Variants in GJB1 observed in about 807,000 individuals in gnomAD.
GJB1 encodes the protein gap junction protein beta 1.
Under a neutral mutation model 12.0 loss-of-function variants are expected in GJB1, and 1 was observed. The observed-to-expected ratio is 0.08, with a 90% confidence interval of 0.03 to 0.40. The LOEUF is 0.40. Among genes scored for constraint, GJB1 ranks in the 10% least tolerant of loss-of-function variants. The probability of loss-of-function intolerance (pLI) is 0.98; values close to 1 mark genes in which losing one functional copy is unlikely to be tolerated. For missense variants in GJB1, 140 were observed against 250.3 expected (o/e 0.56, Z 2.97); for synonymous variants, 114 against 102.8 (o/e 1.11, Z -0.66).
At chrX:71,217,211 T>C (rs1208407149) in intron 1 of GJB1, among the ~76,000 whole-genome samples, 2 of 110,555 alleles carry the variant, frequency 1.8e-5, no homozygotes, top group Non-Finnish European at 3.8e-5. Context: ...TGCAAACTCC[T>C]TAAAGGAAGA....
chrX:71,225,322 A>G lies in GJB1; in HGVS notation c.*763A>G, dbSNP rs1170728218. On this transcript the variant is annotated 3_prime_UTR_variant, in exon 2 of 2. Transcript: ENST00000361726. Reference sequence around the variant, plus strand: ...ACAGGGCAAAAGAAGTAGTTACTTGAGTAGCTGAAGCTGCAAATGAGGAAA... The same window carrying G: ...ACAGGGCAAAAGAAGTAGTTACTTGGGTAGCTGAAGCTGCAAATGAGGAAA... 8.1e-6 allele frequency: 1 copy of G among 123,386 alleles called. No individual in the cohort carries two copies. The highest frequency in any genetic ancestry group is 3.2e-5 in the African/African-American group (1 of 30,813). 10.2% of individuals were successfully genotyped at this position (123,386 alleles called of 1,213,427 possible). A position where few individuals can be genotyped will look rare whatever the true frequency, so the allele number is the denominator to read the frequency against.
chrX:71,221,165 C>T (rs746066329), upstream of GJB1, among the ~76,000 whole-genome samples: 13 of 110,893 alleles, frequency 1.2e-4, no homozygotes, highest in East Asian at 3.1e-3. Context: ...GGATTACAGG[C>T]GTGAGCCACC....
At chrX:71,216,599 G>A (rs1353209443) in intron 1 of GJB1, among the ~76,000 whole-genome samples, 1 of 109,586 alleles carries the variant, frequency 9.1e-6, no homozygotes, top group African/African-American at 3.3e-5. Context: ...GTGGGTGATG[G>A]AGGAGTAAGG....
intron 1 of GJB1, among the ~76,000 whole-genome samples, chrX:71,215,894 G>A (rs1403717602): frequency 4.6e-4 from 49 of 105,763 alleles, no homozygotes; most frequent in African/African-American, 1.7e-3. Flanking sequence ...TTTTTGAGAC[G>A]GACTTTCACT....
chrX:71,217,381 C>A (rs1235614551), intron 1 of GJB1, among the ~76,000 whole-genome samples: 1 of 111,929 alleles, frequency 8.9e-6, no homozygotes, highest in African/African-American at 3.2e-5. Context: ...GATAATATTA[C>A]AGGACTGCTG....
intron 1 of GJB1, among the ~76,000 whole-genome samples, chrX:71,216,020 C>T (rs2092525278): frequency 9.1e-6 from 1 of 110,084 alleles, no homozygotes; most frequent in Non-Finnish European, 1.9e-5. Flanking sequence ...TACAGGCATG[C>T]ACCACCATGC....
upstream of GJB1, chrX:71,223,084 C>G (rs1394847678): frequency 1.7e-5 from 2 of 119,014 alleles, no homozygotes; most frequent in African/African-American, 6.5e-5. Flanking sequence ...GTGTCCGGCG[C>G]TGGGACACAA....
chrX:71,223,446 G>A, intron 1 of GJB1, 111 bp downstream of exon 1: 1 of 438,624 alleles, frequency 2.3e-6, no homozygotes, highest in Admixed American at 3.7e-5. Flanking sequence ...AAAGAAAGGG[G>A]CTGGCGGGAA....
upstream of GJB1, among the ~76,000 whole-genome samples, chrX:71,218,327 G>T (rs1158253537): frequency 9.3e-6 from 1 of 107,368 alleles, no homozygotes; most frequent in Non-Finnish European, 1.9e-5. Flanking sequence ...CAATTGATAG[G>T]AAAGGGGAGA....
upstream of GJB1, among the ~76,000 whole-genome samples, chrX:71,219,309 C>T (rs2092531818): frequency 2.7e-5 from 3 of 109,143 alleles, no homozygotes; most frequent in South Asian, 3.9e-4. Flanking sequence ...GTGAATGGCA[C>T]CAGCCACCAT....
intron 1 of GJB1, among the ~76,000 whole-genome samples, chrX:71,217,312 G>A (rs925547965): frequency 2.7e-4 from 30 of 112,350 alleles, no homozygotes; most frequent in Admixed American, 2.6e-3. Flanking sequence ...CAGTGCAATT[G>A]CCGTTGAGGC....
chrX:71,221,476 C>G (rs1375857305), upstream of GJB1, among the ~76,000 whole-genome samples: 1 of 110,585 alleles, frequency 9.0e-6, no homozygotes, highest in Admixed American at 9.7e-5. Context: ...GCTGTTACCC[C>G]ACCCCTTTCC....
At position 71,225,004 on chromosome X, in the gene GJB1, G is replaced by A; in HGVS notation, c.*445G>A. 1 of 178,600 alleles carries A rather than the reference G, an allele frequency of 5.6e-6. No individual in the cohort carries two copies. The highest frequency in any genetic ancestry group is 1.1e-5 in the Non-Finnish European group (1 of 87,651). 14.7% of individuals were successfully genotyped at this position (178,600 alleles called of 1,213,427 possible). On this transcript the variant is annotated 3_prime_UTR_variant, in exon 2 of 2. Coordinates refer to ENST00000361726, the MANE Select transcript of GJB1 (RefSeq NM_000166.6). ...GACATGTGGGTGGAGAAGGGAGGGT[G>A]GCCAGCACTAGTAAAGGAGGAATAG...
At chrX:71,222,675 G>T (rs41310607), upstream of GJB1, 3 of 109,256 alleles carry the variant, frequency 2.7e-5, no homozygotes, top group Non-Finnish European at 5.7e-5. Flanking sequence ...GCTTTGGAAC[G>T]GTGTGACCTT....
Position 71,224,672 on chromosome X carries a change from C to T in GJB1, c.*113C>T. On this transcript the variant is annotated 3_prime_UTR_variant, in exon 2 of 2. Coordinates refer to ENST00000361726, the MANE Select transcript of GJB1 (RefSeq NM_000166.6). Reference sequence around the variant, plus strand: ...CCTGCTGGGGATTACTCGATCAAAACCTTCCTTCCCTGGCTACTTCCCTTC... The same window carrying T: ...CCTGCTGGGGATTACTCGATCAAAATCTTCCTTCCCTGGCTACTTCCCTTC... 1 of 705,935 alleles carries T rather than the reference C, an allele frequency of 1.4e-6. No individual in the cohort carries two copies. Among genetic ancestry groups the T allele is most frequent in the Non-Finnish European group, 2.2e-6 (1 of 457,780 alleles). 58.2% of individuals were successfully genotyped at this position (705,935 alleles called of 1,213,427 possible). A position where few individuals can be genotyped will look rare whatever the true frequency, so the allele number is the denominator to read the frequency against.
chrX:71,218,383 T>C (rs1011799738), upstream of GJB1, among the ~76,000 whole-genome samples: 18 of 98,942 alleles, frequency 1.8e-4, no homozygotes, highest in African/African-American at 6.3e-4. Flanking sequence ...ATCTCCCTGT[T>C]CCTTTTTTTT....
upstream of GJB1, chrX:71,222,843 C>T (rs1335375326): frequency 9.0e-6 from 1 of 111,545 alleles, no homozygotes; most frequent in East Asian, 2.8e-4. Context: ...CTCCATATTC[C>T]GGAGAGGATC....
In GJB1 at chrX:71,224,255, G is replaced by A. The variant is rs1555937233; in HGVS notation, c.548G>A (p.Arg183His). 1 of 1,198,444 alleles carries A rather than the reference G, an allele frequency of 8.3e-7. No homozygotes were observed. Among genetic ancestry groups the A allele is most frequent in the Non-Finnish European group, 1.1e-6 (1 of 892,051 alleles). The change falls in exon 2 of 2, where the codon CGC becomes CAC. Residue 183 changes from arginine (R) to histidine (H), a missense_variant. By Grantham distance (29) the Arg-to-His change is conservative. This residue lies in a region of GJB1 where 49 missense variants were observed against 104.5 expected (regional missense o/e 0.47). Transcript: ENST00000361726. ...AACACAGTGGACTGCTTCGTGTCCC[G>A]CCCCACCGAGAAAACCGTCTTCACC... is the stretch of plus-strand genomic sequence containing the variant. The part of the protein sequence containing the change: ...CPNTVDCFVS[R>H]PTEKTVFTVF...
upstream of GJB1, among the ~76,000 whole-genome samples, chrX:71,221,176 T>G (rs1052690434): frequency 2.1e-4 from 23 of 111,389 alleles, no homozygotes; most frequent in South Asian, 3.7e-4. Context: ...GTGAGCCACC[T>G]TGCCCAGCCC....
Sources: allele counts gnomAD v4.1 joint callset (sites outside exome capture counted in the v4.1 genomes callset), GRCh38; gene constraint gnomAD v4.1.1; regional missense constraint gnomAD v4.1.1; transcripts MANE v1.5; gene names NCBI Gene and HGNC (gene_info 2026-07-23, HGNC 2026-07-21).